Variants in STXBP6 observed in about 807,000 individuals in gnomAD.
STXBP6 encodes syntaxin binding protein 6.
A neutral mutation model predicts 26.9 loss-of-function variants in STXBP6; 21 were observed. That is an observed-to-expected ratio of 0.78 (90% CI 0.55 to 1.12). STXBP6 has a LOEUF of 1.12. Among genes scored for constraint, STXBP6 ranks in the 50% most tolerant of loss-of-function variants. The pLI is 0.00. For missense variants in STXBP6, 232 were observed against 257.9 expected (o/e 0.90, Z 0.69); for synonymous variants, 97 against 92.6 (o/e 1.05, Z -0.27).
intron 4 of STXBP6, among the ~76,000 whole-genome samples, chr14:24,821,667 C>T (rs17795652): frequency 0.039 from 5,946 of 152,216 alleles, 160 homozygotes; most frequent in Middle Eastern, 0.11. Flanking sequence ...CTTTATTAAG[C>T]TTCAGGTCAA....
rs193290419 is a variant in STXBP6, at chr14:24,833,222, C to T, written c.452-14028G>A. 3.1e-4 allele frequency among the ~76,000 whole-genome samples: 47 copies of T among 152,308 alleles called. No homozygotes were observed. The East Asian group carries it at 7.9e-3, about 26-fold the overall frequency. On this transcript the variant is annotated intron_variant, in intron 4 of 5. Coordinates refer to ENST00000323944, the MANE Select transcript of STXBP6 (RefSeq NM_001394410.1). ...GAGCATGGCACCTGCACACTCCTTT[C>T]CTCTGCCTGATGTCTCCTCCCCTTT...
At chr14:24,930,068 C>G (rs996447287) in intron 2 of STXBP6, among the ~76,000 whole-genome samples, 1 of 152,158 alleles carries the variant, frequency 6.6e-6, no homozygotes, top group African/African-American at 2.4e-5. Context: ...TATTTTATTT[C>G]ATTAAATTTT....
At chr14:25,008,253 C>CA (rs1393146141) in intron 1 of STXBP6, among the ~76,000 whole-genome samples, 1 of 152,086 alleles carries the variant, frequency 6.6e-6, no homozygotes, top group African/African-American at 2.4e-5. Flanking sequence ...CCTGTAATCC[C>CA]AGCACTGTGG....
intron 2 of STXBP6, among the ~76,000 whole-genome samples, chr14:24,926,656 G>A (rs1448575552): frequency 1.3e-5 from 2 of 151,970 alleles, no homozygotes; most frequent in Admixed American, 6.6e-5. Flanking sequence ...TATTTCCAAC[G>A]CAGAGGCTAG....
At chr14:24,959,453 C>T (rs1469210107) in intron 2 of STXBP6, among the ~76,000 whole-genome samples, 1 of 152,054 alleles carries the variant, frequency 6.6e-6, no homozygotes, top group African/African-American at 2.4e-5. Flanking sequence ...AGAAACCTGT[C>T]AGAAAATCAG....
chr14:24,997,905 T>TA (rs1459115868), intron 1 of STXBP6, among the ~76,000 whole-genome samples: 1 of 152,182 alleles, frequency 6.6e-6, no homozygotes, highest in Non-Finnish European at 1.5e-5. Context: ...ATCCTATTTT[T>TA]AAAAACTATA....
intron 1 of STXBP6, among the ~76,000 whole-genome samples, chr14:24,995,726 A>G (rs921631679): frequency 5.9e-5 from 9 of 152,184 alleles, no homozygotes; most frequent in African/African-American, 2.2e-4. Flanking sequence ...TTCATGGGCC[A>G]AGCACATGAA....
At chr14:25,012,612 A>G (rs1205986392) in intron 1 of STXBP6, among the ~76,000 whole-genome samples, 3 of 152,162 alleles carry the variant, frequency 2.0e-5, no homozygotes, top group South Asian at 2.1e-4. Flanking sequence ...AAACAAAAAA[A>G]CAAACAAACA....
intron 2 of STXBP6, among the ~76,000 whole-genome samples, chr14:24,937,712 A>G (rs1980712): frequency 0.59 from 90,302 of 152,088 alleles, 27,744 homozygotes; most frequent in Middle Eastern, 0.7. Context: ...ATATACAGCA[A>G]CATGAATAAA....
At position 24,811,666 on chromosome 14, in the gene STXBP6, A is replaced by G. The variant is rs1220199181; in HGVS notation, c.*1043T>C. Reference sequence around the variant, plus strand: ...TGTCAAGAAACTCACATATTAAATTACATTAAATAAATAGATAGCAAAAAC... The same window carrying G: ...TGTCAAGAAACTCACATATTAAATTGCATTAAATAAATAGATAGCAAAAAC... On this transcript the variant is annotated 3_prime_UTR_variant, in exon 6 of 6. Transcript: ENST00000323944. 2 of 152,178 alleles carry G rather than the reference A, an allele frequency of 1.3e-5. No individual in the cohort carries two copies. The highest frequency in any genetic ancestry group is 4.8e-5 in the African/African-American group (2 of 41,444). 9.4% of individuals were successfully genotyped at this position (152,178 alleles called of 1,614,324 possible).
chr14:25,008,041 T>A (rs1212155066), intron 1 of STXBP6, among the ~76,000 whole-genome samples: 1 of 152,202 alleles, frequency 6.6e-6, no homozygotes, highest in Non-Finnish European at 1.5e-5. Context: ...CTCTGTCAGC[T>A]GGCACTGGCA....
At chr14:24,886,270 C>T (rs2070583635) in intron 2 of STXBP6, among the ~76,000 whole-genome samples, 1 of 152,066 alleles carries the variant, frequency 6.6e-6, no homozygotes, top group African/African-American at 2.4e-5. Flanking sequence ...TTAAAAACAC[C>T]TTGCTTTGGA....
intron 2 of STXBP6, among the ~76,000 whole-genome samples, chr14:24,884,093 T>TG (rs1244648015): frequency 1.0e-4 from 15 of 150,438 alleles, no homozygotes; most frequent in East Asian, 7.8e-4. Context: ...AAAAAAAAGG[T>TG]GGGGGGGCAC....
At chr14:24,966,566 T>G (rs1351117780) in intron 2 of STXBP6, among the ~76,000 whole-genome samples, 1 of 152,228 alleles carries the variant, frequency 6.6e-6, no homozygotes, top group African/African-American at 2.4e-5. Context: ...GAGGATTAAA[T>G]GAGATGATAC....
intron 2 of STXBP6, among the ~76,000 whole-genome samples, chr14:24,906,486 T>C (rs1048991648): frequency 6.6e-6 from 1 of 152,186 alleles, no homozygotes; most frequent in Non-Finnish European, 1.5e-5. Flanking sequence ...TAGCTTCCTA[T>C]GTTTGGGGAA....
intron 4 of STXBP6, among the ~76,000 whole-genome samples, chr14:24,850,457 G>A (rs1486766713): frequency 2.0e-5 from 3 of 152,046 alleles, no homozygotes; most frequent in African/African-American, 7.2e-5. Context: ...GAAAATATAT[G>A]GCACTTCAAA....
intron 2 of STXBP6, among the ~76,000 whole-genome samples, chr14:24,866,616 A>G (rs987856603): frequency 2.0e-5 from 3 of 152,030 alleles, no homozygotes; most frequent in Non-Finnish European, 4.4e-5. Flanking sequence ...TGAAAACTAC[A>G]CAACATTACA....
chr14:24,850,136 A>G (rs559876267), intron 4 of STXBP6, among the ~76,000 whole-genome samples: 48 of 152,256 alleles, frequency 3.2e-4, no homozygotes, highest in African/African-American at 1.1e-3. Flanking sequence ...GGACACGCAC[A>G]AGGTGAAATA....
chr14:24,896,759 G>GA, intron 2 of STXBP6, among the ~76,000 whole-genome samples: 1 of 152,218 alleles, frequency 6.6e-6, no homozygotes, highest in East Asian at 1.9e-4. Context: ...ATTAACAGCA[G>GA]AAAAAAAGCT....
Sources: allele counts gnomAD v4.1 joint callset (sites outside exome capture counted in the v4.1 genomes callset), GRCh38; gene constraint gnomAD v4.1.1; transcripts MANE v1.5; gene names NCBI Gene and HGNC (gene_info 2026-07-23, HGNC 2026-07-21).